LUZP1: variants seen among roughly 807,000 people sequenced by gnomAD.
LUZP1 encodes the protein leucine zipper protein 1, also known as filamin mechanobinding actin cross-linking protein.
A neutral mutation model predicts 71.3 loss-of-function variants in LUZP1; 25 were observed. That is an observed-to-expected ratio of 0.35 (90% confidence interval 0.26 to 0.49). LUZP1 has a LOEUF of 0.49. Among genes scored for constraint, LUZP1 ranks in the 20% least tolerant of loss-of-function variants. LUZP1 has a pLI of 0.99. For missense variants in LUZP1, 1,142 were observed against 1,300.8 expected (o/e 0.88, Z 1.88); for synonymous variants, 481 against 506.4 (o/e 0.95, Z 0.67).
At chr1:23,157,538 A>C (rs9426808) in intron 2 of LUZP1, among the ~76,000 whole-genome samples, 49,697 of 151,772 alleles carry the variant, frequency 0.33, 8,536 homozygotes, top group East Asian at 0.45. Context: ...TGCCTATAAT[A>C]CCAGCACTTT....
At chr1:23,162,442 A>ATT (rs549246555) in intron 2 of LUZP1, among the ~76,000 whole-genome samples, 2 of 131,204 alleles carry the variant, frequency 1.5e-5, no homozygotes, top group Admixed American at 1.5e-4. Flanking sequence ...ATATACTTTT[A>ATT]TTTTTTTTTT....
chr1:23,105,454 C>T (rs1490316016), intron 3 of LUZP1, among the ~76,000 whole-genome samples: 3 of 152,102 alleles, frequency 2.0e-5, no homozygotes, highest in Admixed American at 6.5e-5. Context: ...AAGTTCAAAC[C>T]CTGACTTTAT....
chr1:23,142,701 ACACACACACACACACACACACACAC>A (rs1644314366), intron 2 of LUZP1, among the ~76,000 whole-genome samples: 1 of 14,838 alleles, frequency 6.7e-5, no homozygotes, highest in Non-Finnish European at 1.2e-4. Context: ...ATATATATAT[ACACACACACACACACACACACACAC>A]ACACACACAC....
At chr1:23,171,849 A>C (rs1644554624) in intron 1 of LUZP1, among the ~76,000 whole-genome samples, 1 of 152,220 alleles carries the variant, frequency 6.6e-6, no homozygotes, top group African/African-American at 2.4e-5. Flanking sequence ...GGAAGAACCC[A>C]GGACATATAA....
intron 2 of LUZP1, among the ~76,000 whole-genome samples, chr1:23,162,177 C>T (rs1644472463): frequency 6.6e-6 from 1 of 150,786 alleles, no homozygotes; most frequent in Admixed American, 6.6e-5. Flanking sequence ...TACAAAAGTA[C>T]AAAAAAAGAG....
chr1:23,168,179 C>G (rs1644525823), intron 2 of LUZP1, among the ~76,000 whole-genome samples: 1 of 145,508 alleles, frequency 6.9e-6, no homozygotes, highest in African/African-American at 2.5e-5. Context: ...GCCCGCGCCC[C>G]GCGCCCGCAG....
At chr1:23,113,016 AAAT>A (rs1368543140) in intron 2 of LUZP1, among the ~76,000 whole-genome samples, 1 of 152,244 alleles carries the variant, frequency 6.6e-6, no homozygotes, top group Non-Finnish European at 1.5e-5. Context: ...ATTGTCTACT[AAAT>A]TAAAAACATC....
intron 2 of LUZP1, among the ~76,000 whole-genome samples, chr1:23,167,960 A>T (rs1215769516): frequency 1.3e-5 from 2 of 150,564 alleles, no homozygotes; most frequent in African/African-American, 4.9e-5. Flanking sequence ...GGGCGGGGGG[A>T]GGCCCCGGCC....
intron 2 of LUZP1, among the ~76,000 whole-genome samples, chr1:23,136,762 A>T (rs1353177069): frequency 6.6e-6 from 1 of 152,060 alleles, no homozygotes; most frequent in African/African-American, 2.4e-5. Flanking sequence ...CTAAAAATAC[A>T]AAAAAGTAGC....
chr1:23,117,519 C>CT (rs1553137849), intron 2 of LUZP1, among the ~76,000 whole-genome samples: 1 of 31,024 alleles, frequency 3.2e-5, no homozygotes, highest in African/African-American at 1.3e-4. Flanking sequence ...GGGGGGGGGG[C>CT]GGGGGGGGGG....
At chr1:23,089,242 G>A (rs1366344884) in intron 4 of LUZP1, among the ~76,000 whole-genome samples, 189 bp from the exon 4 acceptor site, 2 of 152,066 alleles carry the variant, frequency 1.3e-5, no homozygotes, top group Admixed American at 6.6e-5. Flanking sequence ...CTTGGAAATC[G>A]GCAGACTGGG....
intron 2 of LUZP1, chr1:23,141,128 G>C (rs955657759): frequency 1.3e-5 from 2 of 152,294 alleles, no homozygotes; most frequent in African/African-American, 2.4e-5. Flanking sequence ...CAGCAGGTTG[G>C]AGCCACCCAT....
chr1:23,169,522 G>A (rs1305614155), intron 1 of LUZP1, among the ~76,000 whole-genome samples: 2 of 152,160 alleles, frequency 1.3e-5, no homozygotes, highest in Non-Finnish European at 2.9e-5. Flanking sequence ...ATGGGTTCCC[G>A]TCCCCCACTG....
chr1:23,128,522 G>C (rs955372191), intron 2 of LUZP1, among the ~76,000 whole-genome samples: 13 of 152,178 alleles, frequency 8.5e-5, no homozygotes, highest in Non-Finnish European at 1.6e-4. Flanking sequence ...CTTGAAGACA[G>C]AATAAAAGCC....
chr1:23,142,751 A>G (rs1439681678), intron 2 of LUZP1, among the ~76,000 whole-genome samples: 1 of 147,030 alleles, frequency 6.8e-6, no homozygotes, highest in Non-Finnish European at 1.5e-5. Context: ...ACACACACAC[A>G]GATTTTTGAC....
chr1:23,170,598 C>T (rs1644545519), intron 1 of LUZP1, among the ~76,000 whole-genome samples: 1 of 151,628 alleles, frequency 6.6e-6, no homozygotes, highest in Non-Finnish European at 1.5e-5. Context: ...TCCCAAGTAG[C>T]TGGGATTACC....
chr1:23,120,463 G>A (rs1281328843), intron 2 of LUZP1, among the ~76,000 whole-genome samples: 1 of 152,046 alleles, frequency 6.6e-6, no homozygotes, highest in East Asian at 1.9e-4. Flanking sequence ...CTGGGCTCAA[G>A]AGACCCTCCC....
At chr1:23,096,639 T>G (rs754232628) in intron 3 of LUZP1, among the ~76,000 whole-genome samples, 3 of 152,128 alleles carry the variant, frequency 2.0e-5, no homozygotes, top group Non-Finnish European at 4.4e-5. Flanking sequence ...CTCAGTCCAT[T>G]TGTGCTGCTG....
chr1:23,167,404 C>T (rs949577395), intron 2 of LUZP1, among the ~76,000 whole-genome samples: 2 of 152,260 alleles, frequency 1.3e-5, no homozygotes, highest in East Asian at 1.9e-4. Flanking sequence ...AGTATTTTCT[C>T]CTCCAACGAC....
Sources: allele counts gnomAD v4.1 joint callset (sites outside exome capture counted in the v4.1 genomes callset), GRCh38; gene constraint gnomAD v4.1.1; transcripts MANE v1.5; gene names NCBI Gene and HGNC (gene_info 2026-07-23, HGNC 2026-07-21).